MAGI2: variants seen among roughly 807,000 people sequenced by gnomAD.
MAGI2 encodes membrane associated guanylate kinase, WW and PDZ domain containing 2.
MAGI2 carries 35 observed loss-of-function variants against 133.3 expected under a neutral mutation model. The ratio of observed to expected loss-of-function variants is 0.26; its 90% CI spans 0.20 to 0.35. The LOEUF (loss-of-function observed/expected upper bound fraction) is 0.35. Among genes scored for constraint, MAGI2 ranks in the 10% least tolerant of loss-of-function variants. MAGI2 has a pLI of 1.00. For missense variants in MAGI2, 1,636 were observed against 1,863.4 expected (o/e 0.88, Z 2.25); for synonymous variants, 729 against 710.6 (o/e 1.03, Z -0.41).
chr7:79,134,233 T>C (rs886081024), intron 1 of MAGI2, among the ~76,000 whole-genome samples: 2 of 152,190 alleles, frequency 1.3e-5, no homozygotes, highest in Non-Finnish European at 2.9e-5. Context: ...ACTGAAGATA[T>C]AGTGGAATAC....
intron 2 of MAGI2, among the ~76,000 whole-genome samples, chr7:78,964,920 T>A (rs1803173815): frequency 6.6e-6 from 1 of 151,956 alleles, no homozygotes; most frequent in Admixed American, 6.6e-5. Context: ...TCTTTGATTC[T>A]GGAGTAAAGG....
At chr7:78,529,027 C>G (rs906384455) in intron 3 of MAGI2, among the ~76,000 whole-genome samples, 7 of 151,652 alleles carry the variant, frequency 4.6e-5, no homozygotes, top group African/African-American at 1.7e-4. Context: ...CTTAACAAAC[C>G]CCACCTAAGA....
rs572747457 is a variant in MAGI2 at position 79,175,254 on chromosome 7, T to C, written c.302-168048A>G. Among the ~76,000 whole-genome samples, 7 of 152,102 alleles carry C rather than the reference T, an allele frequency of 4.6e-5. 1 individual carries two copies. Among genetic ancestry groups the C allele is most frequent in the African/African-American group, 1.7e-4 (7 of 41,438 alleles). ...CACTGACTGATTTTCTCTGTGTTGATAGATGTGGAGATTATAGGTAATTTT... is the reference window on the plus strand; with the variant it reads ...CACTGACTGATTTTCTCTGTGTTGACAGATGTGGAGATTATAGGTAATTTT... On this transcript the variant is annotated intron_variant, in intron 1 of 21. Transcript: ENST00000354212.
At chr7:78,702,353 G>A (rs322003) in intron 2 of MAGI2, among the ~76,000 whole-genome samples, 105,843 of 151,820 alleles carry the variant, frequency 0.7, 37,178 homozygotes, top group East Asian at 0.83. Context: ...TCTAAGAGCT[G>A]TAATGTATAA....
Position 78,030,406 on chromosome 7 carries a change from G to T in MAGI2, c.3707-10430C>A, listed in dbSNP as rs562556041. Among the ~76,000 whole-genome samples the T allele has an allele frequency of 2.0e-5, 3 of 152,208 alleles. No individual in the cohort carries two copies. The East Asian group carries it at 5.8e-4, about 29-fold the overall frequency. On this transcript the variant is annotated intron_variant, in intron 21 of 21. Coordinates refer to ENST00000354212, the MANE Select transcript of MAGI2 (RefSeq NM_012301.4). ...AGAATAGCTGGGATTACAGGCACAC[G>T]CCACCAAGCCCAGCTAATTTTTGTA...
Position 78,569,891 on chromosome 7 carries a change from C to T in MAGI2, c.539-48246G>A, listed in dbSNP as rs116415151. On this transcript the variant is annotated intron_variant, in intron 3 of 21. Coordinates refer to ENST00000354212, the MANE Select transcript of MAGI2 (RefSeq NM_012301.4). ...TTAAACTTTAATAAACGGTATTATCCAGTACGTAATCTTTTTGCCTGAATG... is the reference window on the plus strand; with the variant it reads ...TTAAACTTTAATAAACGGTATTATCTAGTACGTAATCTTTTTGCCTGAATG... 1.8e-3 allele frequency among the ~76,000 whole-genome samples: 273 copies of T among 152,276 alleles called. 4 individuals are homozygous for T. The highest frequency in any genetic ancestry group is 6.3e-3 in the African/African-American group (263 of 41,564).
intron 6 of MAGI2, among the ~76,000 whole-genome samples, chr7:78,483,950 C>T (rs1792699629): frequency 6.6e-6 from 1 of 151,816 alleles, no homozygotes; most frequent in Non-Finnish European, 1.5e-5. Flanking sequence ...GCTTTGCAAA[C>T]ATAATCTTAG....
chr7:78,942,558 T>C (rs186885024), intron 2 of MAGI2, among the ~76,000 whole-genome samples: 1 of 152,240 alleles, frequency 6.6e-6, no homozygotes, highest in East Asian at 1.9e-4. Context: ...GGAATATTGA[T>C]TATTAATAAA....
intron 1 of MAGI2, among the ~76,000 whole-genome samples, chr7:79,263,248 C>T (rs1360846626): frequency 1.3e-5 from 2 of 152,144 alleles, no homozygotes; most frequent in African/African-American, 4.8e-5. Context: ...AGGCACTGCA[C>T]TAAATGCTTC....
chr7:78,295,058 T>C (rs1797094930), intron 9 of MAGI2, among the ~76,000 whole-genome samples: 1 of 152,176 alleles, frequency 6.6e-6, no homozygotes, highest in Admixed American at 6.6e-5. Context: ...ATAATGAGCC[T>C]CATCTTACCT....
At chr7:79,141,974 G>A (rs17152011) in intron 1 of MAGI2, among the ~76,000 whole-genome samples, 4,431 of 152,108 alleles carry the variant, frequency 0.029, 80 homozygotes, top group East Asian at 0.039. Flanking sequence ...TATCTCGATG[G>A]AAGAATCCAG....
At chr7:78,442,346 A>G (rs1787715188) in intron 6 of MAGI2, among the ~76,000 whole-genome samples, 1 of 152,212 alleles carries the variant, frequency 6.6e-6, no homozygotes, top group Non-Finnish European at 1.5e-5. Context: ...AAATTGGTTA[A>G]GCTGACCTCA....
intron 2 of MAGI2, among the ~76,000 whole-genome samples, chr7:78,894,253 A>C (rs966592427): frequency 2.6e-5 from 4 of 152,160 alleles, no homozygotes; most frequent in Admixed American, 1.3e-4. Context: ...TACAAAATTT[A>C]GCTGGGCGTG....
intron 1 of MAGI2, among the ~76,000 whole-genome samples, chr7:79,050,496 C>T (rs2116983807): frequency 6.6e-6 from 1 of 152,222 alleles, no homozygotes; most frequent in Non-Finnish European, 1.5e-5. Flanking sequence ...GATCCTCCTG[C>T]CACATCCTCC....
intron 2 of MAGI2, among the ~76,000 whole-genome samples, chr7:78,894,363 G>A (rs1193384732): frequency 6.6e-6 from 1 of 152,050 alleles, no homozygotes; most frequent in African/African-American, 2.4e-5. Context: ...GATCGCACAT[G>A]GGCGACAAAG....
chr7:79,361,636 G>T (rs1842382560), intron 1 of MAGI2, among the ~76,000 whole-genome samples: 1 of 152,094 alleles, frequency 6.6e-6, no homozygotes, highest in Non-Finnish European at 1.5e-5. Context: ...AGCAGAATCT[G>T]CTTTTCTTCA....
chr7:78,890,077 C>G (rs940671644), intron 2 of MAGI2, among the ~76,000 whole-genome samples: 2 of 152,096 alleles, frequency 1.3e-5, no homozygotes. Flanking sequence ...GGTTGCAATC[C>G]TAATCTCTGA....
chr7:78,323,128 A>T (rs893324663), intron 9 of MAGI2, among the ~76,000 whole-genome samples: 4 of 152,034 alleles, frequency 2.6e-5, no homozygotes, highest in African/African-American at 9.7e-5. Context: ...AGTTTCCAAA[A>T]TGTTTGTTTA....
chr7:78,234,707 T>C (rs981588541), intron 10 of MAGI2, among the ~76,000 whole-genome samples: 7 of 151,636 alleles, frequency 4.6e-5, no homozygotes, highest in African/African-American at 7.2e-5. Context: ...AAGATACTGC[T>C]ATAGGTGATT....
Sources: allele counts gnomAD v4.1 joint callset (sites outside exome capture counted in the v4.1 genomes callset), GRCh38; gene constraint gnomAD v4.1.1; transcripts MANE v1.5; gene names NCBI Gene and HGNC (gene_info 2026-07-23, HGNC 2026-07-21).